RGPD3: variants seen among roughly 807,000 people sequenced by gnomAD.
RGPD3 encodes RANBP2 like and GRIP domain containing 3, also known as ranBP2-like and GRIP domain-containing protein 3.
In RGPD3, 62 loss-of-function variants were observed where a neutral mutation model predicts 154.5. The observed-to-expected ratio is 0.40, with a 90% CI of 0.33 to 0.50. The LOEUF (loss-of-function observed/expected upper bound fraction) is 0.50, where lower values mean the gene tolerates loss of function less well. Ranked by LOEUF, RGPD3 falls within the 20% of genes least tolerant of loss-of-function variation. RGPD3 has a pLI of 0.59. For missense variants in RGPD3, 919 were observed against 1,716.8 expected (o/e 0.54, Z 8.21); for synonymous variants, 308 against 607.0 (o/e 0.51, Z 7.24).
chr2:106,423,716 C>T lies in RGPD3; in HGVS notation c.4251G>A (p.Leu1417=). 2 of 1,611,480 alleles carry T rather than the reference C, an allele frequency of 1.2e-6. No individual in the cohort carries two copies. Among genetic ancestry groups the T allele is most frequent in the Admixed American group, 1.7e-5 (1 of 59,926 alleles). The change falls in exon 20 of 23, where the codon TTG becomes TTA. Residue 1417 remains leucine, a synonymous_variant. Coordinates refer to ENST00000409886, the MANE Select transcript of RGPD3 (RefSeq NM_001144013.2). ...ANHRITPDMS[L]QNMKGTERVW... is the part of the protein sequence containing the mutation. ...CTCTTTCTGTCCCTTTCATATTTTG[C>T]AAACTCATGTCTGGAGTTATTCTGT...
At chr2:106,415,545 C>T (rs1455207143) in intron 21 of RGPD3, among the ~76,000 whole-genome samples, 4 of 150,524 alleles carry the variant, frequency 2.7e-5, no homozygotes, top group South Asian at 2.1e-4. Flanking sequence ...GGCATGTTGG[C>T]GGGCACCTGT....
At chr2:106,464,340 C>CAAAA (rs55851806) in intron 1 of RGPD3, among the ~76,000 whole-genome samples, 8 of 107,330 alleles carry the variant, frequency 7.5e-5, no homozygotes, top group East Asian at 3.0e-4. Context: ...GACTCCATCT[C>CAAAA]AAAAAAAAAA....
chr2:106,460,840 TA>T (rs1159855256), intron 1 of RGPD3, among the ~76,000 whole-genome samples: 326 of 60,432 alleles, frequency 5.4e-3, no homozygotes, highest in Non-Finnish European at 6.5e-3. Flanking sequence ...TTCCATCTCA[TA>T]AAAAAAAAAA....
intron 22 of RGPD3, among the ~76,000 whole-genome samples, chr2:106,408,806 C>A (rs574725668): frequency 6.6e-6 from 1 of 152,050 alleles, no homozygotes; most frequent in Admixed American, 6.5e-5. Context: ...GCTGCCTTAG[C>A]CTCCCGAGTA....
At chr2:106,418,105 T>C (rs138192192) in intron 20 of RGPD3, among the ~76,000 whole-genome samples, 24,196 of 142,014 alleles carry the variant, frequency 0.17, 4,328 homozygotes, top group Middle Eastern at 0.27. Flanking sequence ...TTCAGCCTGG[T>C]GACAGAGCAA....
In RGPD3 at chr2:106,468,089, A is replaced by G. The variant is rs928021690; in HGVS notation, c.72+128T>C. 428 of 1,248,106 alleles carry G rather than the reference A, an allele frequency of 3.4e-4. 1 individual carries two copies. The highest frequency in any genetic ancestry group is 4.2e-4 in the Non-Finnish European group (400 of 948,604). The allele number at this position is 1,248,106 out of a possible 1,614,324, so 77.3% of individuals were successfully genotyped here. The stretch of plus-strand genomic sequence containing the variant: ...GGGCCAGGTCGAGGCCGCCGCCTCC[A>G]CAGAGCGCGCCAGGGAGCAGCGCTC... On this transcript the variant is annotated intron_variant, in intron 1 of 22. Transcript: ENST00000409886.
Position 106,468,380 on chromosome 2 carries a change from T to A in RGPD3, c.-92A>T. 1.3e-6 allele frequency: 2 copies of A among 1,543,910 alleles called. No homozygotes were observed. The highest frequency in any genetic ancestry group is 4.0e-5 in the Admixed American group (2 of 50,620). ...CAAGAGGAAAGCGCCTGAAAGCCAC[T>A]GAGGCAGCGGCGTAGCCGGCGGAGG... On this transcript the variant is annotated 5_prime_UTR_variant, in exon 1 of 23. Coordinates refer to ENST00000409886, the MANE Select transcript of RGPD3 (RefSeq NM_001144013.2).
At chr2:106,445,321 A>G (rs1677880656) in intron 7 of RGPD3, among the ~76,000 whole-genome samples, 2 of 151,692 alleles carry the variant, frequency 1.3e-5, no homozygotes, top group South Asian at 4.2e-4. Flanking sequence ...AAAAATAAGA[A>G]CTATCAGTTA....
chr2:106,428,561 A>AT lies in RGPD3; in HGVS notation c.2605+1084dup, dbSNP rs1369584031. Among the ~76,000 whole-genome samples, 9 of 149,750 alleles carry AT rather than the reference A, an allele frequency of 6.0e-5. No homozygotes were observed. The South Asian group carries it at 1.6e-3, about 26-fold the overall frequency. On this transcript the variant is annotated intron_variant, in intron 18 of 22. Coordinates refer to ENST00000409886, the MANE Select transcript of RGPD3 (RefSeq NM_001144013.2). ...CTTGACTTCACAAAGATTTTCTGTT[A>AT]TTTTGCTTGTGTTGAGAAGATACTA... is the stretch of plus-strand genomic sequence containing the variant.
chr2:106,444,535 TCA>T (rs1677849498), intron 7 of RGPD3, among the ~76,000 whole-genome samples: 1 of 88,690 alleles, frequency 1.1e-5, no homozygotes, highest in East Asian at 3.6e-4. Flanking sequence ...GATTAAAAGT[TCA>T]CAGTCAGGTG....
intron 1 of RGPD3, among the ~76,000 whole-genome samples, chr2:106,467,970 C>CA (rs1338923899): frequency 1.4e-5 from 2 of 139,220 alleles, no homozygotes; most frequent in African/African-American, 5.6e-5. Flanking sequence ...TCGAGGCCGC[C>CA]GCAGGGCCAG....
At chr2:106,414,644 T>C (rs1351502985) in intron 21 of RGPD3, among the ~76,000 whole-genome samples, 1 of 151,084 alleles carries the variant, frequency 6.6e-6, no homozygotes, top group Admixed American at 6.6e-5. Context: ...AAATATAACA[T>C]TTAAATAAGT....
At chr2:106,463,344 C>G (rs568672354) in intron 1 of RGPD3, among the ~76,000 whole-genome samples, 907 of 151,476 alleles carry the variant, frequency 6.0e-3, no homozygotes, top group African/African-American at 0.021. Context: ...GGCATGGTGG[C>G]GCACACCTGT....
chr2:106,421,420 C>T (rs1467151794), intron 20 of RGPD3, among the ~76,000 whole-genome samples: 2 of 151,742 alleles, frequency 1.3e-5, no homozygotes, highest in African/African-American at 2.4e-5. Context: ...TAAGAGCTAC[C>T]TTAGCTGGTA....
At chr2:106,441,810 G>A (rs942740959) in intron 7 of RGPD3, among the ~76,000 whole-genome samples, 11 of 142,050 alleles carry the variant, frequency 7.7e-5, no homozygotes, top group South Asian at 2.3e-4. Flanking sequence ...GTTGTAGTGC[G>A]CCGAGACTGT....
At position 106,466,810 on chromosome 2, in the gene RGPD3, C is replaced by T. The variant is rs1323695064; in HGVS notation, c.72+1407G>A. ...GGCCGCCGCAGGGCCGGGTCGAGGC[C>T]GCCGCCTCAACAGAGCGCGCCAGGG... On this transcript the variant is annotated intron_variant, in intron 1 of 22. Coordinates refer to ENST00000409886, the MANE Select transcript of RGPD3 (RefSeq NM_001144013.2). Among the ~76,000 whole-genome samples the T allele has an allele frequency of 1.0e-3, 79 of 77,046 alleles. 1 individual carries two copies. Among genetic ancestry groups the T allele is most frequent in the Non-Finnish European group, 1.9e-3 (72 of 37,868 alleles). 50.5% of individuals were successfully genotyped at this position (77,046 alleles called of 152,430 possible).
Position 106,424,288 on chromosome 2 carries a change from C to T in RGPD3, c.3679G>A (p.Gly1227Ser), listed in dbSNP as rs774263963. 12 of 1,612,004 alleles carry T rather than the reference C, an allele frequency of 7.4e-6. No homozygotes were observed. In the South Asian group the frequency reaches 1.3e-4, roughly 18 times the overall value. The stretch of plus-strand genomic sequence containing the variant: ...GTTGTGTCTGAGGCACCGGCCGCAC[C>T]TGTACCTGAACCCTTATTTTCTTCC... ...AEEENKGSGT[G>S]AAGASDTTIK... Residue 1227 changes from glycine (G) to serine (S), a missense_variant, in exon 20 of 23, where the codon GGT (glycine) becomes AGT (serine). Physicochemically the swap from Gly to Ser is moderately conservative, Grantham distance 56. Coordinates refer to ENST00000409886, the MANE Select transcript of RGPD3 (RefSeq NM_001144013.2).
At chr2:106,430,024 C>T (rs1677321555) in intron 17 of RGPD3, among the ~76,000 whole-genome samples, 1 of 151,978 alleles carries the variant, frequency 6.6e-6, no homozygotes, top group East Asian at 1.9e-4. Flanking sequence ...GCTGGGATTA[C>T]AGGTGTCAGC....
intron 1 of RGPD3, among the ~76,000 whole-genome samples, chr2:106,461,975 C>G (rs530495393): frequency 6.6e-6 from 1 of 151,726 alleles, no homozygotes; most frequent in East Asian, 1.9e-4. Context: ...TGCGGTGGCT[C>G]GATCTCAGCT....
Sources: allele counts gnomAD v4.1 joint callset (sites outside exome capture counted in the v4.1 genomes callset), GRCh38; gene constraint gnomAD v4.1.1; transcripts MANE v1.5; gene names NCBI Gene and HGNC (gene_info 2026-07-23, HGNC 2026-07-21).